Variants in KCNIP4 observed in about 807,000 individuals in gnomAD.
KCNIP4 encodes the protein potassium voltage-gated channel interacting protein 4, also known as Kv channel-interacting protein 4.
KCNIP4 carries 12 observed loss-of-function variants against 34.0 expected under a neutral mutation model. The ratio of observed to expected loss-of-function variants is 0.35; its 90% CI spans 0.23 to 0.57. The LOEUF (loss-of-function observed/expected upper bound fraction) is 0.57. KCNIP4 is among the 20% of genes least tolerant of loss of function. KCNIP4 has a pLI of 0.83. For missense variants in KCNIP4, 238 were observed against 311.7 expected (o/e 0.76, Z 1.78); for synonymous variants, 124 against 102.2 (o/e 1.21, Z -1.29).
At chr4:21,224,027 G>A (rs558225248) in intron 1 of KCNIP4, among the ~76,000 whole-genome samples, 64 of 152,058 alleles carry the variant, frequency 4.2e-4, no homozygotes, top group Non-Finnish European at 8.2e-4. Flanking sequence ...GGAAGAAAAA[G>A]GTGATTGCTT....
At position 21,879,448 on chromosome 4, in the gene KCNIP4, C is replaced by A. The variant is rs138666165; in HGVS notation, c.61+69123G>T. On this transcript the variant is annotated intron_variant, in intron 1 of 8. Transcript: ENST00000382152. ...GCCAATCTGACCAGCATGGCTGCCC[C>A]CTTCAGGCAAGCCTGACTGTTGGCT... is the stretch of plus-strand genomic sequence containing the variant. Among the ~76,000 whole-genome samples the A allele has an allele frequency of 8.7e-3, 1,325 of 152,368 alleles. 15 individuals are homozygous for A. Among genetic ancestry groups the A allele is most frequent in the South Asian group, 0.034 (162 of 4,828 alleles).
intron 1 of KCNIP4, among the ~76,000 whole-genome samples, chr4:21,252,093 G>C (rs917572529): frequency 6.7e-6 from 1 of 149,212 alleles, no homozygotes; most frequent in African/African-American, 2.5e-5. Flanking sequence ...CCTGAGGTAT[G>C]TTTAAGCAAC....
intron 1 of KCNIP4, among the ~76,000 whole-genome samples, chr4:21,873,964 T>G (rs560924188): frequency 1.3e-5 from 2 of 152,260 alleles, no homozygotes; most frequent in Non-Finnish European, 2.9e-5. Context: ...TTTTGTTCAC[T>G]CTGCTCACAC....
rs965254411 is a variant in KCNIP4, at chr4:21,585,926, T to C, written c.61+362645A>G. On this transcript the variant is annotated intron_variant, in intron 1 of 8. Coordinates refer to ENST00000382152, the MANE Select transcript of KCNIP4 (RefSeq NM_025221.6). Reference sequence around the variant, plus strand: ...TTGAACAACTACCAAAGAATACTCATTGATAAAATTAATACTTGCCTAAAA... The same window carrying C: ...TTGAACAACTACCAAAGAATACTCACTGATAAAATTAATACTTGCCTAAAA... 3.9e-5 allele frequency among the ~76,000 whole-genome samples: 6 copies of C among 152,214 alleles called. No individual in the cohort carries two copies. In the South Asian group the frequency reaches 6.2e-4, roughly 16 times the overall value.
At chr4:21,372,372 A>G (rs1215185230) in intron 1 of KCNIP4, among the ~76,000 whole-genome samples, 1 of 146,256 alleles carries the variant, frequency 6.8e-6, no homozygotes, top group African/African-American at 2.8e-5. Flanking sequence ...ATAGATAGAT[A>G]GATAGATAGA....
At chr4:21,528,323 C>A (rs1264722835) in intron 1 of KCNIP4, among the ~76,000 whole-genome samples, 1 of 151,950 alleles carries the variant, frequency 6.6e-6, no homozygotes, top group East Asian at 1.9e-4. Context: ...GCTTGACCAG[C>A]GACAGTTCAT....
intron 1 of KCNIP4, among the ~76,000 whole-genome samples, chr4:21,836,999 G>A (rs1723367100): frequency 6.8e-6 from 1 of 147,498 alleles, no homozygotes; most frequent in Admixed American, 6.8e-5. Context: ...CTCACTGCAA[G>A]CTCTGCCTCC....
Position 21,042,076 on chromosome 4 carries a change from C to T in KCNIP4, c.62-159367G>A, listed in dbSNP as rs113196344. On this transcript the variant is annotated intron_variant, in intron 1 of 8. Transcript: ENST00000382152. The stretch of plus-strand genomic sequence containing the variant: ...TGCTCAGTCAATAGCATTCTGTCAT[C>T]TCTGGATTGATCTAGGTCTCAGTTT... 4.4e-3 allele frequency among the ~76,000 whole-genome samples: 664 copies of T among 152,338 alleles called. 4 individuals are homozygous for T. Among genetic ancestry groups the T allele is most frequent in the African/African-American group, 0.015 (632 of 41,564 alleles).
chr4:20,898,356 T>C (rs1726784926), intron 1 of KCNIP4, among the ~76,000 whole-genome samples: 1 of 152,196 alleles, frequency 6.6e-6, no homozygotes, highest in Admixed American at 6.5e-5. Context: ...TGGAGAACCT[T>C]GGGTAGACAA....
intron 1 of KCNIP4, among the ~76,000 whole-genome samples, chr4:21,365,151 A>G (rs1423008284): frequency 1.3e-5 from 2 of 152,130 alleles, no homozygotes; most frequent in African/African-American, 4.8e-5. Flanking sequence ...CCAAATATGC[A>G]ATTATGTGTT....
chr4:21,077,756 T>C (rs1745623292), intron 1 of KCNIP4, among the ~76,000 whole-genome samples: 4 of 152,116 alleles, frequency 2.6e-5, no homozygotes, highest in Admixed American at 2.6e-4. Flanking sequence ...TACATTACTA[T>C]TTATCTGGGA....
At chr4:21,634,032 G>C (rs1480952214) in intron 1 of KCNIP4, among the ~76,000 whole-genome samples, 16 of 151,830 alleles carry the variant, frequency 1.1e-4, no homozygotes, top group Non-Finnish European at 7.4e-5. Flanking sequence ...AAGATGAAAA[G>C]AGAAATATCA....
chr4:21,743,743 T>C (rs1041812166), intron 1 of KCNIP4, among the ~76,000 whole-genome samples: 1 of 150,690 alleles, frequency 6.6e-6, no homozygotes, highest in African/African-American at 2.4e-5. Flanking sequence ...ATCAGCAATA[T>C]CAAATTTGTA....
At chr4:20,764,460 A>C (rs967190800) in intron 3 of KCNIP4, among the ~76,000 whole-genome samples, 4 of 152,130 alleles carry the variant, frequency 2.6e-5, no homozygotes, top group Non-Finnish European at 5.9e-5. Context: ...TGATGTAATT[A>C]ATATTCTATG....
chr4:21,261,073 GC>G (rs1397922513), intron 1 of KCNIP4, among the ~76,000 whole-genome samples: 2 of 152,130 alleles, frequency 1.3e-5, no homozygotes, highest in African/African-American at 4.8e-5. Context: ...GAATTTAACA[GC>G]CGGTTTTGGA....
chr4:21,442,960 T>G lies in KCNIP4; in HGVS notation c.61+505611A>C, dbSNP rs542278999. Among the ~76,000 whole-genome samples, 3 of 152,334 alleles carry G rather than the reference T, an allele frequency of 2.0e-5. No homozygotes were observed. In the East Asian group the frequency reaches 5.8e-4, roughly 29 times the overall value. ...TCACTTCCATTTGATCTTTTCAATC[T>G]CAGTTAATGGCAAATTCCTTCTTTC... On this transcript the variant is annotated intron_variant, in intron 1 of 8. Transcript: ENST00000382152.
At chr4:21,672,836 G>A (rs1749607470) in intron 1 of KCNIP4, among the ~76,000 whole-genome samples, 1 of 152,182 alleles carries the variant, frequency 6.6e-6, no homozygotes, top group African/African-American at 2.4e-5. Flanking sequence ...CAAGGTATAG[G>A]CTAGAGCCAC....
In KCNIP4 at chr4:21,287,602, G is replaced by T. The variant is rs577911629; in HGVS notation, c.62-404893C>A. On this transcript the variant is annotated intron_variant, in intron 1 of 8. Coordinates refer to ENST00000382152, the MANE Select transcript of KCNIP4 (RefSeq NM_025221.6). ...AGGTAAGTTAATTTACGTCTCAAAAGTCCTACTAGTTACTTACGTAAGGAA... is the reference window on the plus strand; with the variant it reads ...AGGTAAGTTAATTTACGTCTCAAAATTCCTACTAGTTACTTACGTAAGGAA... 9.2e-5 allele frequency among the ~76,000 whole-genome samples: 14 copies of T among 152,244 alleles called. No individual in the cohort carries two copies. The South Asian group carries it at 2.9e-3, about 32-fold the overall frequency.
intron 1 of KCNIP4, among the ~76,000 whole-genome samples, chr4:21,113,455 T>TAAAAAAAAA (rs56676152): frequency 1.8e-4 from 11 of 62,380 alleles, no homozygotes; most frequent in Admixed American, 2.0e-4. Context: ...TCTATAAGTT[T>TAAAAAAAAA]AAAAAAAAAA....
Sources: allele counts gnomAD v4.1 joint callset (sites outside exome capture counted in the v4.1 genomes callset), GRCh38; gene constraint gnomAD v4.1.1; transcripts MANE v1.5; gene names NCBI Gene and HGNC (gene_info 2026-07-23, HGNC 2026-07-21).